The following TSNARE1 variants were observed in gnomAD, a reference collection of about 807,000 sequenced individuals.
TSNARE1 encodes t-SNARE domain-containing protein 1.
A neutral mutation model predicts 62.0 loss-of-function variants in TSNARE1; 49 were observed. The observed-to-expected ratio is 0.79, with a 90% CI of 0.63 to 1.00. TSNARE1 has a LOEUF of 1.00. Among genes scored for constraint, TSNARE1 ranks in the 50% least tolerant of loss-of-function variants. The probability of loss-of-function intolerance (pLI) is 0.00; values close to 1 mark genes in which losing one functional copy is unlikely to be tolerated. For synonymous variants in TSNARE1, 328 were observed against 294.4 expected, an observed-to-expected ratio of 1.11 and a Z score of -1.17; for missense variants, 755 against 700.1, an observed-to-expected ratio of 1.08 and a Z score of -0.88.
intron 1 of TSNARE1, among the ~76,000 whole-genome samples, chr8:142,398,591 C>T (rs115343876): frequency 0.023 from 3,544 of 152,210 alleles, 51 homozygotes; most frequent in East Asian, 0.047. Context: ...TCCACTGCCT[C>T]GACCTTGCTC....
intron 9 of TSNARE1, among the ~76,000 whole-genome samples, chr8:142,313,346 G>C (rs964764103): frequency 3.3e-5 from 5 of 151,556 alleles, no homozygotes. Context: ...TTATCTGTGT[G>C]TCTCTACATG....
intron 13 of TSNARE1, among the ~76,000 whole-genome samples, chr8:142,214,194 C>G (rs1815716824): frequency 6.6e-6 from 1 of 152,192 alleles, no homozygotes; most frequent in South Asian, 2.1e-4. Context: ...CCTGGGAACC[C>G]AGAAAGGAGG....
chr8:142,349,186 G>C (rs1301707295), intron 2 of TSNARE1, among the ~76,000 whole-genome samples: 1 of 152,218 alleles, frequency 6.6e-6, no homozygotes, highest in African/African-American at 2.4e-5. Context: ...TTTCAGATGT[G>C]TGTTCGGGTT....
intron 9 of TSNARE1, among the ~76,000 whole-genome samples, chr8:142,301,871 C>G (rs1305966263): frequency 6.6e-6 from 1 of 152,202 alleles, no homozygotes; most frequent in Non-Finnish European, 1.5e-5. Flanking sequence ...GGGGCTGGCA[C>G]CATGCTAAAT....
At chr8:142,256,786 C>T (rs1429976103) in intron 12 of TSNARE1, among the ~76,000 whole-genome samples, 4 of 152,184 alleles carry the variant, frequency 2.6e-5, no homozygotes, top group Non-Finnish European at 4.4e-5. Context: ...GGATTAGAAC[C>T]GGGTTCTGCC....
At chr8:142,379,224 TGCCA>T (rs1836555012) in intron 1 of TSNARE1, among the ~76,000 whole-genome samples, 2 of 152,220 alleles carry the variant, frequency 1.3e-5, no homozygotes, top group Non-Finnish European at 2.9e-5. Context: ...AGCGGGCCGC[TGCCA>T]GCAAGGACAG....
intron 12 of TSNARE1, chr8:142,273,343 T>C (rs980521469): frequency 7.3e-5 from 72 of 985,272 alleles, no homozygotes; most frequent in Non-Finnish European, 8.6e-5. Context: ...GGTGTGGCCC[T>C]GAGTTTCCAG....
rs1343236465 is a variant in TSNARE1 at position 142,291,789 on chromosome 8, G to C, written c.1291-7304C>G. ...GCCTGCCAGTGAAAGGGAGCCAGCG[G>C]CTCAGGCGTCAGGCATAGGGTGCTC... is the stretch of plus-strand genomic sequence containing the variant. On this transcript the variant is annotated intron_variant, in intron 10 of 13. Coordinates refer to ENST00000524325, the MANE Select transcript of TSNARE1 (RefSeq NM_145003.5). This position sits in a 1 kb window ranked among gnomAD's most constrained non-coding sequence, Gnocchi z 4.8. Among the ~76,000 whole-genome samples the C allele has an allele frequency of 2.6e-5, 4 of 152,110 alleles. No individual in the cohort carries two copies. In the East Asian group the frequency reaches 7.8e-4, roughly 30 times the overall value.
intron 1 of TSNARE1, among the ~76,000 whole-genome samples, chr8:142,362,354 G>C (rs1292730970): frequency 6.6e-6 from 1 of 152,192 alleles, no homozygotes; most frequent in African/African-American, 2.4e-5. Flanking sequence ...GACAGCAGTA[G>C]GTCACCTCCC....
chr8:142,298,957 G>A (rs757358127), intron 10 of TSNARE1, among the ~76,000 whole-genome samples: 60 of 152,224 alleles, frequency 3.9e-4, no homozygotes, highest in Non-Finnish European at 7.1e-4. Context: ...TGTGCTTCGG[G>A]TGGTTCTCTG....
chr8:142,350,632 G>A (rs1390080903), intron 2 of TSNARE1, among the ~76,000 whole-genome samples: 1 of 152,014 alleles, frequency 6.6e-6, no homozygotes, highest in African/African-American at 2.4e-5. Context: ...ACACATAATA[G>A]GTGAAAGCAC....
intron 12 of TSNARE1, among the ~76,000 whole-genome samples, chr8:142,268,780 G>T (rs989440169): frequency 6.6e-6 from 1 of 152,156 alleles, no homozygotes; most frequent in South Asian, 2.1e-4. Flanking sequence ...AAGCGTGATG[G>T]GGGGAGGCCT....
chr8:142,365,741 T>C (rs754650631), intron 1 of TSNARE1, among the ~76,000 whole-genome samples: 7 of 152,250 alleles, frequency 4.6e-5, no homozygotes, highest in Non-Finnish European at 1.0e-4. Context: ...CTGGCAACTT[T>C]TCTTTAAAAC....
At position 142,344,261 on chromosome 8, in the gene TSNARE1, C is replaced by T. The variant is rs201648259; in HGVS notation, c.450G>A (p.Thr150=). ...VSKHHQLLFG[T]GLLKAEPTRR... is the part of the protein sequence containing the mutation. ...GAGTGGGCTCGGCCTTCAGCAGCCCCGTGCCAAACAGCAGCTGGTGGTGCT... is the reference window on the plus strand; with the variant it reads ...GAGTGGGCTCGGCCTTCAGCAGCCCTGTGCCAAACAGCAGCTGGTGGTGCT... The change falls in exon 4 of 14, where the codon ACG becomes ACA. Residue 150 remains threonine, a synonymous_variant. Transcript: ENST00000524325. The T allele has an allele frequency of 1.0e-4, 161 of 1,608,108 alleles. 1 individual carries two copies. The East Asian group carries it at 2.9e-3, about 29-fold the overall frequency.
intron 10 of TSNARE1, among the ~76,000 whole-genome samples, chr8:142,293,424 G>A (rs555786649): frequency 2.3e-4 from 35 of 152,348 alleles, no homozygotes; most frequent in Non-Finnish European, 3.1e-4. Flanking sequence ...CTGAGTTCTC[G>A]CCAGGCAGTT....
chr8:142,295,449 C>T (rs1479133601), intron 10 of TSNARE1, among the ~76,000 whole-genome samples: 1 of 152,224 alleles, frequency 6.6e-6, no homozygotes, highest in African/African-American at 2.4e-5. Context: ...GCTCCTCTAA[C>T]ACCCCTGTGT....
chr8:142,280,776 G>A (rs1356200434), intron 11 of TSNARE1, among the ~76,000 whole-genome samples: 3 of 152,176 alleles, frequency 2.0e-5, no homozygotes, highest in African/African-American at 4.8e-5. Context: ...AGCCACCTCT[G>A]GAAGCTGACA....
Position 142,350,435 on chromosome 8 carries a change from C to T in TSNARE1, c.88+4202G>A, listed in dbSNP as rs563207844. 3.9e-5 allele frequency among the ~76,000 whole-genome samples: 6 copies of T among 152,314 alleles called. No homozygotes were observed. The East Asian group carries it at 5.8e-4, about 15-fold the overall frequency. On this transcript the variant is annotated intron_variant, in intron 2 of 13. Coordinates refer to ENST00000524325, the MANE Select transcript of TSNARE1 (RefSeq NM_145003.5). Reference sequence around the variant, plus strand: ...AACAGAAAGCCTGAATAACGTTTGACAACTAGAGGAATTAACTGGTAGTCA... The same window carrying T: ...AACAGAAAGCCTGAATAACGTTTGATAACTAGAGGAATTAACTGGTAGTCA...
intron 12 of TSNARE1, among the ~76,000 whole-genome samples, chr8:142,235,557 C>T (rs980058543): frequency 2.6e-5 from 4 of 152,076 alleles, no homozygotes; most frequent in African/African-American, 4.8e-5. Flanking sequence ...TATTCAAAAT[C>T]GGAGCCATTT....
Sources: gnomAD v4.1 joint callset for allele counts (sites outside exome capture counted in the v4.1 genomes callset) on GRCh38, gnomAD v4.1.1 for gene constraint, Gnocchi (gnomAD v3.1) non-coding constraint, MANE v1.5 for transcripts, NCBI Gene and HGNC (gene_info 2026-07-23, HGNC 2026-07-21) for gene names.